The following RBM10 variants were observed in gnomAD, a reference collection of about 807,000 sequenced individuals.
RBM10 encodes RNA-binding protein 10.
In RBM10, 1 loss-of-function variant was observed where a neutral mutation model predicts 84.9. That is an observed-to-expected ratio of 0.01 (90% CI 0.00 to 0.06). The LOEUF (loss-of-function observed/expected upper bound fraction) is 0.06, where lower values mean the gene tolerates loss of function less well. Ranked by LOEUF, RBM10 falls within the 10% of genes least tolerant of loss-of-function variation. RBM10 has a pLI of 1.00. For missense variants in RBM10, 438 were observed against 839.0 expected (o/e 0.52, Z 5.90); for synonymous variants, 326 against 344.5 (o/e 0.95, Z 0.60).
At chrX:47,157,211 G>T (rs1424073392) in intron 2 of RBM10, 8 of 275,138 alleles carry the variant, frequency 2.9e-5, no homozygotes, top group Non-Finnish European at 4.8e-5. Flanking sequence ...GAGGAAGATG[G>T]ATTCGTGGTC....
intron 2 of RBM10, among the ~76,000 whole-genome samples, chrX:47,167,605 C>T (rs782502061): frequency 1.5e-3 from 173 of 111,995 alleles, no homozygotes; most frequent in African/African-American, 5.3e-3. Context: ...CTCAAGTGAT[C>T]TGCCCACCTC....
intron 2 of RBM10, among the ~76,000 whole-genome samples, chrX:47,153,386 T>C (rs1272271081): frequency 8.9e-6 from 1 of 112,031 alleles, no homozygotes; most frequent in African/African-American, 3.2e-5. Flanking sequence ...TCCTTTAATC[T>C]GAAACAGTTA....
chrX:47,170,977 T>C (rs2147134034), intron 3 of RBM10, 51 bp from the exon 4 acceptor site: 1 of 1,166,955 alleles, frequency 8.6e-7, no homozygotes. Context: ...CTCCTAGGCC[T>C]GCCCAGACTG....
chrX:47,147,452 C>A lies in RBM10; in HGVS notation c.-30C>A, dbSNP rs1556762473. 8.3e-7 allele frequency: 1 copy of A among 1,210,931 alleles called. No homozygotes were observed. Among genetic ancestry groups the A allele is most frequent in the Non-Finnish European group, 1.1e-6 (1 of 895,025 alleles). The stretch of plus-strand genomic sequence containing the variant: ...ACGGAGCCAGCGGCTGAGGAGGGGC[C>A]CCAGCAGCCCCCGAAGGCCCTATCA... On this transcript the variant is annotated 5_prime_UTR_variant, in exon 2 of 24. Coordinates refer to ENST00000377604, the MANE Select transcript of RBM10 (RefSeq NM_005676.5).
At chrX:47,158,107 G>A in intron 2 of RBM10, 1 of 212,514 alleles carries the variant, frequency 4.7e-6, no homozygotes, top group Non-Finnish European at 8.7e-6. Context: ...CTCACTTCCT[G>A]CACACCTCCG....
chrX:47,171,364 C>T (rs1338456662), intron 4 of RBM10, 106 bp downstream of exon 4: 3 of 1,082,589 alleles, frequency 2.8e-6, no homozygotes, highest in African/African-American at 1.8e-5. Flanking sequence ...GCCTTTCATC[C>T]CTTCTCCCCC....
At chrX:47,166,608 A>G (rs1027481387) in intron 2 of RBM10, among the ~76,000 whole-genome samples, 8 of 108,526 alleles carry the variant, frequency 7.4e-5, no homozygotes, top group Non-Finnish European at 1.1e-4. Flanking sequence ...AGCTGGGACT[A>G]TAGATGTACA....
intron 2 of RBM10, among the ~76,000 whole-genome samples, chrX:47,167,401 CAG>C (rs1556769654): frequency 2.1e-5 from 2 of 93,376 alleles, no homozygotes; most frequent in Non-Finnish European, 4.2e-5. Context: ...TTTTTTAAGA[CAG>C]AGTCTTACTC....
rs782292758 is a variant in RBM10, at chrX:47,180,374, C to A, written c.1161-45C>A. On this transcript the variant is annotated intron_variant, in intron 11 of 23. Transcript: ENST00000377604. ...CCCACCCTCCCACTCCCCCCTACCG[C>A]TTGGGGCCTCCTATCTCACTCCCAG... is the stretch of plus-strand genomic sequence containing the variant. The A allele has an allele frequency of 3.4e-6, 4 of 1,171,992 alleles. No individual in the cohort carries two copies. The East Asian group carries it at 1.2e-4, about 36-fold the overall frequency.
intron 2 of RBM10, among the ~76,000 whole-genome samples, chrX:47,166,779 CTTTT>C (rs782819269): frequency 2.2e-5 from 2 of 91,040 alleles, no homozygotes. Context: ...GCAAAATTTT[CTTTT>C]TTTTTTTTTT....
chrX:47,171,882 C>T (rs1242684570), intron 4 of RBM10, among the ~76,000 whole-genome samples: 4 of 111,752 alleles, frequency 3.6e-5, no homozygotes, highest in African/African-American at 1.3e-4. Context: ...TCTTAGTCTA[C>T]TCCGCCGCCC....
chrX:47,173,931 C>CTCTT (rs1319901851), intron 5 of RBM10, among the ~76,000 whole-genome samples: 18 of 85,669 alleles, frequency 2.1e-4, no homozygotes, highest in Non-Finnish European at 2.8e-4. Flanking sequence ...CTCTCTCTCT[C>CTCTT]TCTTTCTCCC....
chrX:47,181,237 C>T lies in RBM10; in HGVS notation c.1271C>T (p.Thr424Ile), dbSNP rs1165368226. 8.7e-7 allele frequency: 1 copy of T among 1,154,843 alleles called. No homozygotes were observed. Among genetic ancestry groups the T allele is most frequent in the African/African-American group, 1.9e-5 (1 of 51,709 alleles). Residue 424 changes from threonine to isoleucine, a missense_variant, in exon 13 of 24, where the codon ACC (threonine) becomes ATC (isoleucine). Thr to Ile is a moderately conservative substitution (Grantham distance 89). Coordinates refer to ENST00000377604, the MANE Select transcript of RBM10 (RefSeq NM_005676.5). ...CAGGCCTCCCAAGGTGGGGAGGGTA[C>T]CTGGGCCACCTCCGAGGAGCCGCCG... ...ISQASQGGEG[T>I]WATSEEPPVD...
chrX:47,151,820 T>A (rs1556763725), intron 2 of RBM10, among the ~76,000 whole-genome samples: 9 of 112,615 alleles, frequency 8.0e-5, no homozygotes, highest in Non-Finnish European at 1.9e-5. Flanking sequence ...TTTTAGAATG[T>A]ATCCTTTAAT....
At chrX:47,166,839 G>A (rs182028893) in intron 2 of RBM10, among the ~76,000 whole-genome samples, 60 of 106,040 alleles carry the variant, frequency 5.7e-4, no homozygotes, top group Middle Eastern at 9.8e-3. Flanking sequence ...GCAGTGGTGC[G>A]ATCTCGGCTC....
At chrX:47,157,753 T>C (rs1184928056) in intron 2 of RBM10, 3 of 470,251 alleles carry the variant, frequency 6.4e-6, no homozygotes, top group Non-Finnish European at 1.1e-5. Flanking sequence ...TGCTCCTCGA[T>C]TGGCCGGCTG....
At chrX:47,175,645 A>G (rs1335239172) in intron 6 of RBM10, among the ~76,000 whole-genome samples, 4 of 111,062 alleles carry the variant, frequency 3.6e-5, no homozygotes, top group Non-Finnish European at 7.6e-5. Flanking sequence ...TGATAGTTTT[A>G]TCGACACCCT....
intron 8 of RBM10, 43 bp downstream of exon 8, chrX:47,179,206 TG>T (rs1556777612): frequency 1.0e-5 from 12 of 1,200,561 alleles, no homozygotes; most frequent in Non-Finnish European, 1.3e-5. Flanking sequence ...GCGGAGCGGT[TG>T]GGGAGAAGGG....
chrX:47,181,680 G>A (rs782696247), intron 14 of RBM10, 34 bp downstream of exon 14: 2 of 1,207,788 alleles, frequency 1.7e-6, no homozygotes, highest in South Asian at 3.5e-5. Context: ...ATCCCGGGGA[G>A]GCAGGCAGGC....
Sources: allele counts gnomAD v4.1 joint callset (sites outside exome capture counted in the v4.1 genomes callset), GRCh38; gene constraint gnomAD v4.1.1; transcripts MANE v1.5; gene names NCBI Gene and HGNC (gene_info 2026-07-23, HGNC 2026-07-21).